Variants in TTLL5 observed in about 807,000 individuals in gnomAD.
The protein encoded by TTLL5 is tubulin polyglutamylase TTLL5.
Under a neutral mutation model 168.4 loss-of-function variants are expected in TTLL5, and 132 were observed. The ratio of observed to expected loss-of-function variants is 0.78; its 90% CI spans 0.68 to 0.91. The LOEUF (loss-of-function observed/expected upper bound fraction) is 0.91. Ranked by LOEUF, TTLL5 falls within the 40% of genes least tolerant of loss-of-function variation. The pLI, the probability that TTLL5 is intolerant of heterozygous loss-of-function variation, is 0.00. For missense variants in TTLL5, 1,545 were observed against 1,581.5 expected (o/e 0.98, Z 0.39); for synonymous variants, 546 against 558.6 (o/e 0.98, Z 0.32).
At chr14:75,673,006 C>G (rs1773597056) in intron 3 of TTLL5, among the ~76,000 whole-genome samples, 1 of 151,816 alleles carries the variant, frequency 6.6e-6, no homozygotes, top group Admixed American at 6.6e-5. Context: ...TGGTGTAATC[C>G]TAGCTCACTG....
intron 17 of TTLL5, among the ~76,000 whole-genome samples, chr14:75,749,737 A>G (rs1417500535): frequency 2.6e-5 from 4 of 152,176 alleles, no homozygotes; most frequent in African/African-American, 9.7e-5. Context: ...TATTAATTGA[A>G]CTGCCTTTAC....
At chr14:75,834,175 T>C (rs903815497) in intron 28 of TTLL5, among the ~76,000 whole-genome samples, 1 of 152,108 alleles carries the variant, frequency 6.6e-6, no homozygotes, top group Non-Finnish European at 1.5e-5. Flanking sequence ...AAAACCAGGA[T>C]TGATTTTGCA....
chr14:75,926,676 A>G (rs2034082087), intron 31 of TTLL5, among the ~76,000 whole-genome samples: 1 of 152,204 alleles, frequency 6.6e-6, no homozygotes, highest in Non-Finnish European at 1.5e-5. Context: ...GGAGATGAGG[A>G]TGTGGAGAAA....
intron 29 of TTLL5, among the ~76,000 whole-genome samples, chr14:75,881,361 T>G (rs147769084): frequency 3.9e-5 from 6 of 152,308 alleles, no homozygotes; most frequent in Non-Finnish European, 8.8e-5. Flanking sequence ...GAAATCTCTT[T>G]GTTCTTTGTC....
chr14:75,770,179 G>GGA (rs370449905), intron 20 of TTLL5, among the ~76,000 whole-genome samples: 1,064 of 85,010 alleles, frequency 0.013, 15 homozygotes, highest in Middle Eastern at 0.071. Context: ...ACTCTGTCTC[G>GGA]AAAAAAAAAA....
chr14:75,853,211 G>A (rs144167536), intron 28 of TTLL5, among the ~76,000 whole-genome samples: 1 of 152,228 alleles, frequency 6.6e-6, no homozygotes, highest in African/African-American at 2.4e-5. Flanking sequence ...CACTGTCTTT[G>A]CATTTCTCAC....
intron 9 of TTLL5, chr14:75,711,038 A>G (rs1887037826): frequency 6.6e-6 from 1 of 152,246 alleles, no homozygotes; most frequent in Admixed American, 6.5e-5. Context: ...GTTTTGTGAT[A>G]TAAGTTATTT....
chr14:75,709,095 A>G (rs1449861023), intron 9 of TTLL5: 36 of 692,536 alleles, frequency 5.2e-5, no homozygotes, highest in Non-Finnish European at 1.1e-5. Context: ...GTTATAAAGC[A>G]TAGCAGTTTA....
intron 31 of TTLL5, among the ~76,000 whole-genome samples, chr14:75,944,213 A>G (rs909372331): frequency 3.9e-5 from 6 of 152,182 alleles, no homozygotes; most frequent in African/African-American, 1.4e-4. Context: ...CCGCTAACAT[A>G]TTTTGGTGCC....
chr14:75,680,604 C>T (rs1884522982), intron 3 of TTLL5, among the ~76,000 whole-genome samples: 1 of 147,798 alleles, frequency 6.8e-6, no homozygotes, highest in African/African-American at 2.5e-5. Flanking sequence ...AGAGGGCTAT[C>T]TAGAGCAGGG....
intron 31 of TTLL5, among the ~76,000 whole-genome samples, chr14:75,915,629 T>C (rs1247187446): frequency 1.3e-5 from 2 of 152,178 alleles, no homozygotes. Flanking sequence ...TCTTGCAGGA[T>C]TGGGATATGA....
intron 9 of TTLL5, chr14:75,712,543 G>C (rs1396351765): frequency 6.8e-6 from 1 of 146,758 alleles, no homozygotes; most frequent in Non-Finnish European, 1.5e-5. Context: ...ATTCTTAGAA[G>C]AACAAACTGG....
At chr14:75,755,628 A>G (rs1031465893) in intron 18 of TTLL5, among the ~76,000 whole-genome samples, 48 of 152,168 alleles carry the variant, frequency 3.2e-4, no homozygotes, top group African/African-American at 1.1e-3. Flanking sequence ...ATACTTTGTT[A>G]TGTTCATCTT....
At position 75,882,883 on chromosome 14, in the gene TTLL5, A is replaced by G; in HGVS notation, c.3721A>G (p.Thr1241Ala). 6.2e-7 allele frequency: 1 copy of G among 1,614,172 alleles called. No individual in the cohort carries two copies. Among genetic ancestry groups the G allele is most frequent in the Non-Finnish European group, 8.5e-7 (1 of 1,180,008 alleles). The change falls in exon 30 of 32, where the codon ACA becomes GCA. Residue 1241 changes from threonine (T) to alanine (A), a missense_variant. By Grantham distance (58) the Thr-to-Ala change is moderately conservative. Transcript: ENST00000298832. ...CCACGAACAAGTGCTCAGAAGGGCA[A>G]CATCCCAGAAAGCTTCCAAGTAAGT... ...PNHEQVLRRA[T>A]SQKASKGSSA...
intron 20 of TTLL5, among the ~76,000 whole-genome samples, chr14:75,770,178 C>T (rs1320210321): frequency 2.9e-4 from 2 of 6,862 alleles, no homozygotes; most frequent in African/African-American, 1.5e-3. Context: ...AACTCTGTCT[C>T]GAAAAAAAAA....
chr14:75,667,147 A>G (rs760544338), intron 2 of TTLL5, among the ~76,000 whole-genome samples: 61 of 151,820 alleles, frequency 4.0e-4, no homozygotes, highest in Admixed American at 7.2e-4. Context: ...TTTCTCTGTT[A>G]GAGACTTGGC....
At chr14:75,804,589 C>T (rs1801949833) in intron 27 of TTLL5, among the ~76,000 whole-genome samples, 1 of 152,176 alleles carries the variant, frequency 6.6e-6, no homozygotes. Flanking sequence ...ATTTTGTGGC[C>T]GTTTGTTAAC....
chr14:75,833,560 A>G (rs552770068), intron 28 of TTLL5, among the ~76,000 whole-genome samples: 1 of 152,376 alleles, frequency 6.6e-6, no homozygotes, highest in Non-Finnish European at 1.5e-5. Context: ...TGAACTTAAT[A>G]TTCTTATCTC....
intron 30 of TTLL5, among the ~76,000 whole-genome samples, chr14:75,886,091 A>T (rs566525178): frequency 6.6e-6 from 1 of 152,212 alleles, no homozygotes. Context: ...GACACAACTA[A>T]TGAGAAGTTG....
Sources: allele counts gnomAD v4.1 joint callset (sites outside exome capture counted in the v4.1 genomes callset), GRCh38; gene constraint gnomAD v4.1.1; transcripts MANE v1.5; gene names NCBI Gene and HGNC (gene_info 2026-07-23, HGNC 2026-07-21).